The following LRBA variants were observed in gnomAD, a reference collection of about 807,000 sequenced individuals.
LRBA encodes the protein LPS responsive beige-like anchor protein.
Under a neutral mutation model 330.0 loss-of-function variants are expected in LRBA, and 176 were observed. The observed-to-expected ratio is 0.53, with a 90% CI of 0.47 to 0.60. The LOEUF (loss-of-function observed/expected upper bound fraction) is 0.60. Ranked by LOEUF, LRBA falls within the 20% of genes least tolerant of loss-of-function variation. The pLI, the probability that LRBA is intolerant of heterozygous loss-of-function variation, is 0.00. For missense variants in LRBA, 3,259 were observed against 3,444.8 expected (o/e 0.95, Z 1.35); for synonymous variants, 1,230 against 1,193.0 (o/e 1.03, Z -0.64).
intron 40 of LRBA, among the ~76,000 whole-genome samples, chr4:150,510,280 C>G (rs1225055993): frequency 6.6e-6 from 1 of 152,192 alleles, no homozygotes; most frequent in Non-Finnish European, 1.5e-5. Flanking sequence ...GCAGACTACA[C>G]TGGTAAATTC....
intron 35 of LRBA, among the ~76,000 whole-genome samples, chr4:150,754,291 G>A (rs1027094026): frequency 2.8e-5 from 4 of 144,194 alleles, no homozygotes; most frequent in African/African-American, 1.2e-4. Context: ...CCTAATTAAG[G>A]AGAGAAAATT....
At chr4:150,345,344 T>G (rs1001234658) in intron 48 of LRBA, among the ~76,000 whole-genome samples, 18 of 152,232 alleles carry the variant, frequency 1.2e-4, no homozygotes, top group African/African-American at 3.6e-4. Context: ...ATTCATGTTT[T>G]CTGCTTTCTT....
intron 37 of LRBA, among the ~76,000 whole-genome samples, chr4:150,611,801 C>A (rs1309668965): frequency 2.0e-5 from 3 of 152,170 alleles, no homozygotes; most frequent in Non-Finnish European, 4.4e-5. Context: ...ACATCACTTG[C>A]CCCAAATTTG....
At chr4:150,755,668 A>G (rs1307676913) in intron 35 of LRBA, among the ~76,000 whole-genome samples, 1 of 152,074 alleles carries the variant, frequency 6.6e-6, no homozygotes, top group Non-Finnish European at 1.5e-5. Flanking sequence ...AGCCAATAAA[A>G]CTATGCCGGT....
intron 36 of LRBA, among the ~76,000 whole-genome samples, chr4:150,708,238 T>TC (rs2127023965): frequency 6.6e-6 from 1 of 151,942 alleles, no homozygotes; most frequent in African/African-American, 2.4e-5. Flanking sequence ...TAACTTACTC[T>TC]CCAGAGCAGA....
chr4:150,635,567 G>T (rs1179794784), intron 37 of LRBA, among the ~76,000 whole-genome samples: 1 of 152,062 alleles, frequency 6.6e-6, no homozygotes, highest in Non-Finnish European at 1.5e-5. Flanking sequence ...ATATGAACTT[G>T]TTAAATTCTT....
In LRBA at chr4:150,480,588, C is replaced by T. The variant is rs28600755; in HGVS notation, c.6551+7144G>A. On this transcript the variant is annotated intron_variant, in intron 42 of 56. Coordinates refer to ENST00000651943, the MANE Select transcript of LRBA (RefSeq NM_001364905.1). The stretch of plus-strand genomic sequence containing the variant: ...GATTGTAATAAACACTTTTTTAAAA[C>T]AGCATCACATGTACAGATGTAATAA... Among the ~76,000 whole-genome samples the T allele has an allele frequency of 5.9e-3, 893 of 152,136 alleles. 12 individuals are homozygous for T. Among genetic ancestry groups the T allele is most frequent in the African/African-American group, 0.02 (850 of 41,550 alleles).
chr4:150,730,774 T>C (rs1730346227), intron 36 of LRBA, among the ~76,000 whole-genome samples: 1 of 151,566 alleles, frequency 6.6e-6, no homozygotes, highest in Non-Finnish European at 1.5e-5. Flanking sequence ...TCTCAGCACT[T>C]TGGGAGGCTG....
chr4:150,343,778 T>C (rs1735904059), intron 48 of LRBA, among the ~76,000 whole-genome samples: 1 of 152,158 alleles, frequency 6.6e-6, no homozygotes, highest in African/African-American at 2.4e-5. Context: ...TCTACACCTA[T>C]TCTCCTGATG....
chr4:150,977,125 G>C (rs1740270593), intron 2 of LRBA, among the ~76,000 whole-genome samples: 1 of 152,210 alleles, frequency 6.6e-6, no homozygotes, highest in Non-Finnish European at 1.5e-5. Context: ...GACCTGGTAA[G>C]ACCCCAGCTG....
intron 36 of LRBA, among the ~76,000 whole-genome samples, chr4:150,703,648 C>A (rs1785326699): frequency 6.6e-6 from 1 of 152,068 alleles, no homozygotes; most frequent in Non-Finnish European, 1.5e-5. Flanking sequence ...AATGTAACGT[C>A]CATAACAAAA....
intron 47 of LRBA, among the ~76,000 whole-genome samples, chr4:150,375,732 G>A (rs1381509738): frequency 1.3e-5 from 2 of 151,680 alleles, no homozygotes; most frequent in Admixed American, 6.6e-5. Flanking sequence ...TTACAGGTGT[G>A]AGCCACCAAG....
intron 40 of LRBA, among the ~76,000 whole-genome samples, chr4:150,550,516 C>A (rs1051519614): frequency 6.6e-6 from 1 of 152,128 alleles, no homozygotes; most frequent in Non-Finnish European, 1.5e-5. Context: ...TATTCTTTTT[C>A]TCTGATGCCA....
chr4:150,294,086 T>C (rs998157409), intron 53 of LRBA, among the ~76,000 whole-genome samples: 1 of 152,228 alleles, frequency 6.6e-6, no homozygotes, highest in African/African-American at 2.4e-5. Flanking sequence ...TGCATGTTTC[T>C]GACGGTGTGG....
intron 2 of LRBA, among the ~76,000 whole-genome samples, chr4:151,005,794 C>T (rs1236846178): frequency 6.6e-6 from 1 of 151,776 alleles, no homozygotes; most frequent in Non-Finnish European, 1.5e-5. Flanking sequence ...TAGTAGAGAA[C>T]ATGTTGGCCA....
chr4:150,584,253 A>G, intron 40 of LRBA: 3 of 924,716 alleles, frequency 3.2e-6, no homozygotes, highest in Non-Finnish European at 4.5e-6. Flanking sequence ...TTCATTAATT[A>G]AGAAGCAAAC....
chr4:150,537,061 C>T (rs1764732005), intron 40 of LRBA, among the ~76,000 whole-genome samples: 1 of 152,196 alleles, frequency 6.6e-6, no homozygotes, highest in Admixed American at 6.5e-5. Context: ...GGAGGTTTCA[C>T]ATTACCTGAC....
intron 46 of LRBA, among the ~76,000 whole-genome samples, chr4:150,430,431 T>C (rs1054906602): frequency 6.6e-6 from 1 of 152,162 alleles, no homozygotes; most frequent in Non-Finnish European, 1.5e-5. Flanking sequence ...TGATTGGTCC[T>C]GAATCTCCTC....
At chr4:150,854,012 A>G (rs1012522468) in intron 22 of LRBA, among the ~76,000 whole-genome samples, 1 of 152,140 alleles carries the variant, frequency 6.6e-6, no homozygotes, top group Non-Finnish European at 1.5e-5. Context: ...TTATCCACAA[A>G]AATCAATAGG....
Sources: allele counts gnomAD v4.1 joint callset (sites outside exome capture counted in the v4.1 genomes callset), GRCh38; gene constraint gnomAD v4.1.1; transcripts MANE v1.5; gene names NCBI Gene and HGNC (gene_info 2026-07-23, HGNC 2026-07-21).